TMEM132B: variants seen among roughly 807,000 people sequenced by gnomAD.
The protein encoded by TMEM132B is transmembrane protein 132B.
A neutral mutation model predicts 90.8 loss-of-function variants in TMEM132B; 18 were observed. That is an observed-to-expected ratio of 0.20 (90% CI 0.14 to 0.29). The LOEUF (loss-of-function observed/expected upper bound fraction) is 0.29, where lower values mean the gene tolerates loss of function less well. Among genes scored for constraint, TMEM132B ranks in the 10% least tolerant of loss-of-function variants. TMEM132B has a pLI of 1.00. For synonymous variants in TMEM132B, 504 were observed against 523.3 expected (o/e 0.96, Z 0.50); for missense variants, 1,096 against 1,326.8 (o/e 0.83, Z 2.70).
chr12:125,243,122 TAC>T (rs1271698077), intron 1 of TMEM132B, among the ~76,000 whole-genome samples: 11 of 103,546 alleles, frequency 1.1e-4, no homozygotes, highest in African/African-American at 2.3e-4. Context: ...TATATATATA[TAC>T]ACACACACAC....
chr12:125,540,488 C>T (rs998489535), intron 4 of TMEM132B, among the ~76,000 whole-genome samples: 2 of 152,118 alleles, frequency 1.3e-5, no homozygotes, highest in Non-Finnish European at 2.9e-5. Flanking sequence ...TTTTGAAGCT[C>T]TGTTATTAGA....
chr12:125,215,421 G>C (rs1332944353), intron 1 of TMEM132B, among the ~76,000 whole-genome samples: 7 of 152,164 alleles, frequency 4.6e-5, no homozygotes, highest in Admixed American at 3.3e-4. Flanking sequence ...GTGGGTACCT[G>C]CATTCCTTGG....
intron 1 of TMEM132B, among the ~76,000 whole-genome samples, chr12:125,235,866 C>T (rs1179605341): frequency 7.4e-6 from 1 of 135,836 alleles, no homozygotes; most frequent in Non-Finnish European, 1.5e-5. Context: ...TGCAGTGGCA[C>T]AATCTCGGCT....
chr12:125,402,498 G>T (rs1474977357), intron 2 of TMEM132B, among the ~76,000 whole-genome samples: 2 of 152,232 alleles, frequency 1.3e-5, no homozygotes, highest in African/African-American at 4.8e-5. Context: ...CTTGAAGGGT[G>T]ATTGTAGACC....
In TMEM132B at chr12:125,458,757, C is replaced by T. The variant is rs544799286; in HGVS notation, c.1106+43080C>T. Among the ~76,000 whole-genome samples, 7 of 152,284 alleles carry T rather than the reference C, an allele frequency of 4.6e-5. No individual in the cohort carries two copies. The highest frequency in any genetic ancestry group is 1.9e-4 in the East Asian group (1 of 5,174). On this transcript the variant is annotated intron_variant, in intron 3 of 8. Transcript: ENST00000682704. The surrounding 1 kb of genome is among the most constrained non-coding windows in gnomAD (Gnocchi z 4.9). ...TGGGTGGTGTTGTCAGGGTGACTCA[C>T]GTGGACACTCAGCATCTGAGGACAA...
chr12:125,622,721 T>C (rs1282708336), intron 5 of TMEM132B: 1 of 942,768 alleles, frequency 1.1e-6, no homozygotes, highest in Non-Finnish European at 1.3e-6. Flanking sequence ...AGAAACCTTT[T>C]TTCTGCTCTC....
chr12:125,240,660 A>G (rs2136092017), intron 1 of TMEM132B, among the ~76,000 whole-genome samples: 2 of 152,260 alleles, frequency 1.3e-5, no homozygotes, highest in East Asian at 3.9e-4. Context: ...TAGGGAATGG[A>G]ATGCAGAGCA....
At chr12:125,326,374 G>A (rs112912546) in intron 1 of TMEM132B, among the ~76,000 whole-genome samples, 123 of 152,288 alleles carry the variant, frequency 8.1e-4, no homozygotes, top group Middle Eastern at 3.4e-3. Flanking sequence ...TCTCAGGCTG[G>A]ACAAGCCCCG....
At chr12:125,391,040 AGTGTGTGTGTGTGTGT>A in intron 2 of TMEM132B, among the ~76,000 whole-genome samples, 1 of 84,972 alleles carries the variant, frequency 1.2e-5, no homozygotes, top group Non-Finnish European at 2.3e-5. Context: ...ACTAAAGAAT[AGTGTGTGTGTGTGTGT>A]GTGTGTGTGT....
intron 3 of TMEM132B, among the ~76,000 whole-genome samples, chr12:125,516,098 AAC>A (rs972745686): frequency 4.7e-5 from 7 of 149,918 alleles, no homozygotes; most frequent in Admixed American, 6.6e-5. Flanking sequence ...CACACACACT[AAC>A]ACACACTATC....
intron 3 of TMEM132B, among the ~76,000 whole-genome samples, chr12:125,437,116 G>T (rs999702): frequency 0.54 from 82,465 of 152,004 alleles, 24,053 homozygotes; most frequent in African/African-American, 0.77. Flanking sequence ...TAAAATTCAA[G>T]ACAGATGTCT....
chr12:125,417,846 G>A (rs1880059903), intron 3 of TMEM132B, among the ~76,000 whole-genome samples: 1 of 152,314 alleles, frequency 6.6e-6, no homozygotes. Flanking sequence ...CACTGGCTCT[G>A]TTTGGCATAA....
intron 5 of TMEM132B, among the ~76,000 whole-genome samples, chr12:125,619,269 C>T (rs924110501): frequency 1.3e-5 from 2 of 152,160 alleles, no homozygotes; most frequent in African/African-American, 4.8e-5. Flanking sequence ...CATCTGTGTT[C>T]TGTAGGCTAT....
chr12:125,313,372 TTTC>T (rs1876166446), intron 1 of TMEM132B, among the ~76,000 whole-genome samples: 1 of 152,108 alleles, frequency 6.6e-6, no homozygotes, highest in Admixed American at 6.5e-5. Flanking sequence ...CTTTCCTTTC[TTTC>T]TTGATGCCTC....
intron 4 of TMEM132B, among the ~76,000 whole-genome samples, chr12:125,557,665 G>C (rs549531825): frequency 1.3e-5 from 2 of 151,552 alleles, no homozygotes; most frequent in South Asian, 4.2e-4. Flanking sequence ...TATTTACTGA[G>C]CTCCTATTAT....
At chr12:125,568,386 C>T (rs1359582995) in intron 4 of TMEM132B, among the ~76,000 whole-genome samples, 1 of 152,214 alleles carries the variant, frequency 6.6e-6, no homozygotes, top group East Asian at 1.9e-4. Context: ...TCCTTGTCTT[C>T]TTCTCACTGG....
rs74370992 is a variant in TMEM132B at position 125,647,495 on chromosome 12, G to T, written c.1644-3188G>T. ...AGGTTATACCAATTTGAATGGCAAT[G>T]AATTTCTTGCCTGAAACCACGGAGG... On this transcript the variant is annotated intron_variant, in intron 6 of 8. Transcript: ENST00000682704. 7.2e-3 allele frequency among the ~76,000 whole-genome samples: 1,094 copies of T among 152,340 alleles called. 9 individuals carry two copies. Among genetic ancestry groups the T allele is most frequent in the African/African-American group, 0.025 (1,056 of 41,574 alleles).
intron 1 of TMEM132B, among the ~76,000 whole-genome samples, chr12:125,266,909 G>A (rs1305813170): frequency 6.6e-6 from 1 of 152,206 alleles, no homozygotes; most frequent in Non-Finnish European, 1.5e-5. Context: ...GGGCTGTCCA[G>A]TGAGACCACA....
chr12:125,582,271 AATTATTATTATTATTATTATT>A (rs3042320), intron 4 of TMEM132B, among the ~76,000 whole-genome samples: 9 of 145,820 alleles, frequency 6.2e-5, no homozygotes, highest in Admixed American at 5.5e-4. Flanking sequence ...AAGTTTTAGC[AATTATTATTATTATTATTATT>A]ATTATTATTA....
Sources: allele counts gnomAD v4.1 joint callset (sites outside exome capture counted in the v4.1 genomes callset), GRCh38; gene constraint gnomAD v4.1.1; non-coding constraint Gnocchi (gnomAD v3.1); transcripts MANE v1.5; gene names NCBI Gene and HGNC (gene_info 2026-07-23, HGNC 2026-07-21).